LOXHD1: variants seen among roughly 807,000 people sequenced by gnomAD.
The protein encoded by LOXHD1 is lipoxygenase homology domain-containing protein 1.
In LOXHD1, 205 loss-of-function variants were observed where a neutral mutation model predicts 248.2. The ratio of observed to expected loss-of-function variants is 0.83; its 90% CI spans 0.74 to 0.93. The LOEUF is 0.93. LOXHD1 is among the 40% of genes least tolerant of loss of function. The probability of loss-of-function intolerance (pLI) is 0.00; values close to 1 mark genes in which losing one functional copy is unlikely to be tolerated. For missense variants in LOXHD1, 2,930 were observed against 2,971.6 expected, an observed-to-expected ratio of 0.99 and a Z score of 0.33; for synonymous variants, 1,113 against 1,162.8, an observed-to-expected ratio of 0.96 and a Z score of 0.87.
At chr18:46,548,140 G>A (rs1372247002) in intron 21 of LOXHD1, among the ~76,000 whole-genome samples, 2 of 151,636 alleles carry the variant, frequency 1.3e-5, no homozygotes, top group Non-Finnish European at 2.9e-5. Flanking sequence ...GGGATCTCTG[G>A]ACGCTGTGGT....
chr18:46,640,242 A>T (rs2038945989), intron 3 of LOXHD1, among the ~76,000 whole-genome samples: 2 of 152,192 alleles, frequency 1.3e-5, no homozygotes, highest in Admixed American at 1.3e-4. Flanking sequence ...AAGGGAAAAG[A>T]TGACAAGGGA....
chr18:46,618,706 A>C (rs1012949063), intron 4 of LOXHD1, among the ~76,000 whole-genome samples: 1 of 152,188 alleles, frequency 6.6e-6, no homozygotes, highest in African/African-American at 2.4e-5. Flanking sequence ...AAATGTCTCT[A>C]ACTAGGCCCT....
At chr18:46,601,121 G>C in intron 8 of LOXHD1, 96 bp downstream of exon 8, 1 of 1,443,546 alleles carries the variant, frequency 6.9e-7, no homozygotes. Flanking sequence ...TCTGTAACTA[G>C]TTCAGAGAAG....
chr18:46,519,087 C>A, intron 33 of LOXHD1: 1 of 985,524 alleles, frequency 1.0e-6, no homozygotes, highest in Non-Finnish European at 1.2e-6. Context: ...TGTGAGGCAG[C>A]CTCGTGGCAA....
At chr18:46,547,868 A>G (rs568833749) in intron 21 of LOXHD1, among the ~76,000 whole-genome samples, 1 of 152,344 alleles carries the variant, frequency 6.6e-6, no homozygotes, top group African/African-American at 2.4e-5. Context: ...CCTATCTAAT[A>G]TTTGAGTCAT....
intron 1 of LOXHD1, among the ~76,000 whole-genome samples, chr18:46,650,111 C>T (rs760793158): frequency 3.3e-5 from 5 of 152,122 alleles, no homozygotes; most frequent in Non-Finnish European, 7.4e-5. Context: ...ACATCCCCTC[C>T]GCCAAGAGCA....
At chr18:46,600,266 C>T (rs2038314380) in intron 8 of LOXHD1, among the ~76,000 whole-genome samples, 1 of 152,190 alleles carries the variant, frequency 6.6e-6, no homozygotes, top group Non-Finnish European at 1.5e-5. Flanking sequence ...GCTTCTGTTA[C>T]CATTTGGACA....
chr18:46,649,399 G>A (rs2039078616), intron 1 of LOXHD1, 130 bp from the exon 2 acceptor site: 1 of 710,566 alleles, frequency 1.4e-6, no homozygotes, highest in South Asian at 1.9e-5. Flanking sequence ...GCTGCATCCT[G>A]TAGGCCTCTG....
At chr18:46,596,795 G>A (rs1032227114) in intron 8 of LOXHD1, among the ~76,000 whole-genome samples, 1 of 152,242 alleles carries the variant, frequency 6.6e-6, no homozygotes, top group South Asian at 2.1e-4. Context: ...GCAATTAGAC[G>A]AACAGAAGCC....
chr18:46,649,595 C>A (rs2039081711), intron 1 of LOXHD1, among the ~76,000 whole-genome samples: 1 of 152,152 alleles, frequency 6.6e-6, no homozygotes, highest in South Asian at 2.1e-4. Flanking sequence ...CACACTGATA[C>A]CCTCCTAGAC....
chr18:46,524,722 G>T lies in LOXHD1; in HGVS notation c.4726C>A (p.Leu1576Ile), dbSNP rs963866335. 5.2e-6 allele frequency: 8 copies of T among 1,551,620 alleles called. No individual in the cohort carries two copies. The highest frequency in any genetic ancestry group is 6.1e-6 in the Non-Finnish European group (7 of 1,147,014). The change falls in exon 30 of 41, where the codon CTC becomes ATC. Residue 1576 changes from leucine (L) to isoleucine (I), a missense_variant. By Grantham distance (5) the Leu-to-Ile change is conservative. Coordinates refer to ENST00000642948, the MANE Select transcript of LOXHD1 (RefSeq NM_001384474.1). Reference protein sequence around the residue: ...LKKEDGRLERLFYEKEYTGDR... With the variant: ...LKKEDGRLERIFYEKEYTGDR... The stretch of plus-strand genomic sequence containing the variant: ...CCTTGGCTCACCTTCTCGTAAAAGA[G>T]CCTCTCGAGTCGCCCATCCTCCTTC...
At chr18:46,522,700 C>T (rs1405949264) in intron 31 of LOXHD1, among the ~76,000 whole-genome samples, 1 of 152,136 alleles carries the variant, frequency 6.6e-6, no homozygotes, top group Non-Finnish European at 1.5e-5. Context: ...ATGCTGTTGG[C>T]AAAAGCAAGG....
At chr18:46,506,098 C>A in intron 36 of LOXHD1, 75 bp from the exon 37 acceptor site, 1 of 1,497,936 alleles carries the variant, frequency 6.7e-7, no homozygotes, top group South Asian at 1.3e-5. Flanking sequence ...GCCTTGATCC[C>A]GGACTCCTCA....
At chr18:46,587,356 C>T (rs531676130) in intron 12 of LOXHD1, among the ~76,000 whole-genome samples, 2 of 152,272 alleles carry the variant, frequency 1.3e-5, no homozygotes, top group South Asian at 4.2e-4. Flanking sequence ...ATGATGAAGG[C>T]CAGTTCTGCT....
chr18:46,548,979 C>T (rs536228001), intron 21 of LOXHD1, among the ~76,000 whole-genome samples: 1 of 152,136 alleles, frequency 6.6e-6, no homozygotes, highest in Admixed American at 6.5e-5. Flanking sequence ...CTCCTTGTAC[C>T]GACAGAACCA....
chr18:46,505,828 T>A lies in LOXHD1; in HGVS notation c.5878+10A>T. The A allele has an allele frequency of 6.4e-7, 1 of 1,551,456 alleles. No individual in the cohort carries two copies. Among genetic ancestry groups the A allele is most frequent in the Non-Finnish European group, 8.7e-7 (1 of 1,146,878 alleles). ...GCCCTCCCACCAACCTGGCCTTGAGTGGGAGCTACCTTTGTTGTCGTGCCA... is the reference window on the plus strand; with the variant it reads ...GCCCTCCCACCAACCTGGCCTTGAGAGGGAGCTACCTTTGTTGTCGTGCCA... On this transcript the variant is annotated intron_variant, in intron 37 of 40. Transcript: ENST00000642948.
At chr18:46,602,205 A>T (rs1965804310) in intron 7 of LOXHD1, among the ~76,000 whole-genome samples, 1 of 151,970 alleles carries the variant, frequency 6.6e-6, no homozygotes, top group African/African-American at 2.4e-5. Context: ...TTTTTATTTT[A>T]TTTATTTTTT....
intron 29 of LOXHD1, among the ~76,000 whole-genome samples, chr18:46,526,937 C>T (rs2035854800): frequency 6.6e-6 from 1 of 152,110 alleles, no homozygotes; most frequent in African/African-American, 2.4e-5. Flanking sequence ...AAGATGACTT[C>T]CATATTCTGG....
chr18:46,557,182 C>T (rs1366022992), intron 21 of LOXHD1, among the ~76,000 whole-genome samples, 174 bp downstream of exon 21: 1 of 150,096 alleles, frequency 6.7e-6, no homozygotes. Context: ...CCCAGTCCAC[C>T]CTTACTTTTG....
Sources: gnomAD v4.1 joint callset for allele counts (sites outside exome capture counted in the v4.1 genomes callset) on GRCh38, gnomAD v4.1.1 for gene constraint, MANE v1.5 for transcripts, NCBI Gene and HGNC (gene_info 2026-07-23, HGNC 2026-07-21) for gene names.